Variants in KLHL2 observed in about 807,000 individuals in gnomAD.
The protein encoded by KLHL2 is kelch-like protein 2.
KLHL2 carries 15 observed loss-of-function variants against 75.8 expected under a neutral mutation model. The ratio of observed to expected loss-of-function variants is 0.20; its 90% CI spans 0.13 to 0.30. The LOEUF is 0.30. KLHL2 is among the 10% of genes least tolerant of loss of function. The pLI is 1.00. For missense variants in KLHL2, 381 were observed against 741.0 expected (o/e 0.51, Z 5.64); for synonymous variants, 214 against 251.9 (o/e 0.85, Z 1.42).
At chr4:165,260,229 G>A (rs1194019785) in intron 4 of KLHL2, among the ~76,000 whole-genome samples, 1 of 151,912 alleles carries the variant, frequency 6.6e-6, no homozygotes, top group East Asian at 1.9e-4. Flanking sequence ...TAAAACCAAG[G>A]CAATTTCAAA....
At chr4:165,270,689 G>A (rs1742617383) in intron 5 of KLHL2, among the ~76,000 whole-genome samples, 1 of 152,140 alleles carries the variant, frequency 6.6e-6, no homozygotes, top group Non-Finnish European at 1.5e-5. Context: ...TCCTCCCTCT[G>A]GAAGCTTCAT....
intron 4 of KLHL2, among the ~76,000 whole-genome samples, chr4:165,243,119 C>T (rs1408470758): frequency 1.3e-5 from 2 of 151,518 alleles, no homozygotes; most frequent in East Asian, 1.9e-4. Context: ...ATTTTTTTCA[C>T]GATCCAAAAA....
intron 5 of KLHL2, chr4:165,278,146 A>T: frequency 6.6e-7 from 1 of 1,512,444 alleles, no homozygotes; most frequent in Non-Finnish European, 9.2e-7. Context: ...TCCATGTAGA[A>T]TAACGAATTT....
chr4:165,297,662 G>T lies in KLHL2; in HGVS notation c.708G>T (p.Glu236Asp), dbSNP rs1435293450. Reference protein sequence around the residue: ...WVNHDKDVRQEFMARLMEHVR... With the variant: ...WVNHDKDVRQDFMARLMEHVR... ...ACCATGACAAGGATGTGAGGCAAGA[G>T]TTTATGGCCCGACTGATGGAACATG... Residue 236 changes from glutamate to aspartate, a missense_variant, in exon 7 of 15, where the codon GAG becomes GAT. Glu to Asp is a conservative substitution (Grantham distance 45). Transcript: ENST00000226725. The T allele has an allele frequency of 6.2e-7, 1 of 1,614,102 alleles. No individual in the cohort carries two copies. Among genetic ancestry groups the T allele is most frequent in the Admixed American group, 1.7e-5 (1 of 60,024 alleles).
intron 3 of KLHL2, 51 bp from the exon 4 acceptor site, chr4:165,238,727 T>C (rs1425803949): frequency 6.2e-7 from 1 of 1,608,762 alleles, no homozygotes; most frequent in Admixed American, 1.7e-5. Flanking sequence ...GCATTGGAAC[T>C]TCCACAGCAG....
intron 1 of KLHL2, among the ~76,000 whole-genome samples, chr4:165,212,038 A>G (rs1489594177): frequency 1.3e-5 from 2 of 152,178 alleles, no homozygotes; most frequent in African/African-American, 4.8e-5. Flanking sequence ...GGTGATCCAG[A>G]GAAGGAAATT....
chr4:165,253,042 A>G (rs886256054), intron 4 of KLHL2, among the ~76,000 whole-genome samples: 4 of 151,838 alleles, frequency 2.6e-5, no homozygotes, highest in Admixed American at 2.0e-4. Flanking sequence ...TTTATTTTTT[A>G]TTTTTTTGAG....
At chr4:165,212,909 G>C (rs1020267793) in intron 1 of KLHL2, among the ~76,000 whole-genome samples, 3 of 152,046 alleles carry the variant, frequency 2.0e-5, no homozygotes, top group African/African-American at 7.2e-5. Context: ...ATCTTAAGTC[G>C]GGGCTCTAGG....
At chr4:165,231,442 A>G (rs1439302103) in intron 3 of KLHL2, among the ~76,000 whole-genome samples, 7 of 152,266 alleles carry the variant, frequency 4.6e-5, no homozygotes, top group Middle Eastern at 3.4e-3. Context: ...GAGTGAGAAA[A>G]AAAAAATTAC....
chr4:165,252,435 T>C (rs1346303414), intron 4 of KLHL2: 1 of 152,100 alleles, frequency 6.6e-6, no homozygotes, highest in African/African-American at 2.4e-5. Context: ...ATTATTGACA[T>C]ATAGTCTTAA....
intron 11 of KLHL2, among the ~76,000 whole-genome samples, chr4:165,311,805 C>CTGTGTG (rs1256006906): frequency 9.8e-6 from 1 of 101,904 alleles, no homozygotes; most frequent in African/African-American, 4.7e-5. Flanking sequence ...CTCCTCCTTT[C>CTGTGTG]TCTCTGTGTG....
At chr4:165,267,601 T>C (rs1253110732) in intron 5 of KLHL2, among the ~76,000 whole-genome samples, 1 of 152,162 alleles carries the variant, frequency 6.6e-6, no homozygotes, top group Non-Finnish European at 1.5e-5. Flanking sequence ...TCTGTTTATG[T>C]GATGGATTAC....
At chr4:165,243,855 A>C (rs1406931261) in intron 4 of KLHL2, among the ~76,000 whole-genome samples, 1 of 152,232 alleles carries the variant, frequency 6.6e-6, no homozygotes, top group Non-Finnish European at 1.5e-5. Context: ...AGTTGGCTTA[A>C]TCAATAAAAA....
At chr4:165,300,690 T>C (rs147130033) in intron 8 of KLHL2, among the ~76,000 whole-genome samples, 29 of 152,322 alleles carry the variant, frequency 1.9e-4, no homozygotes, top group African/African-American at 6.5e-4. Context: ...TTAAGCACCA[T>C]TTTGTGCGTG....
intron 3 of KLHL2, among the ~76,000 whole-genome samples, chr4:165,236,545 C>A (rs1323487561): frequency 1.3e-5 from 2 of 152,104 alleles, no homozygotes; most frequent in African/African-American, 4.8e-5. Context: ...AATGCATTAG[C>A]AATCAGAAAT....
At chr4:165,295,004 A>AGCCT (rs1744804617) in intron 6 of KLHL2, among the ~76,000 whole-genome samples, 1 of 152,106 alleles carries the variant, frequency 6.6e-6, no homozygotes, top group African/African-American at 2.4e-5. Flanking sequence ...CAGTCCGTTC[A>AGCCT]GCCTGCCTGC....
chr4:165,231,809 T>G (rs1162929505), intron 3 of KLHL2, among the ~76,000 whole-genome samples: 2 of 152,168 alleles, frequency 1.3e-5, no homozygotes, highest in Non-Finnish European at 2.9e-5. Flanking sequence ...CATGGTAAAT[T>G]TATACTTAAA....
At chr4:165,216,558 A>G (rs1737555134) in intron 1 of KLHL2, among the ~76,000 whole-genome samples, 1 of 152,188 alleles carries the variant, frequency 6.6e-6, no homozygotes, top group East Asian at 1.9e-4. Context: ...AGCAGGGCAA[A>G]GGTGTAATTC....
At chr4:165,241,712 G>A (rs1358966599) in intron 4 of KLHL2, among the ~76,000 whole-genome samples, 4 of 152,230 alleles carry the variant, frequency 2.6e-5, no homozygotes, top group African/African-American at 9.6e-5. Context: ...TCTGTTGGCA[G>A]TCAGTTGGCG....
Sources: gnomAD v4.1 joint callset for allele counts (sites outside exome capture counted in the v4.1 genomes callset) on GRCh38, gnomAD v4.1.1 for gene constraint, MANE v1.5 for transcripts, NCBI Gene and HGNC (gene_info 2026-07-23, HGNC 2026-07-21) for gene names.